The following RANBP9 variants were observed in gnomAD, a reference collection of about 807,000 sequenced individuals.
RANBP9 encodes RAN binding protein 9, also known as ran-binding protein 9.
In RANBP9, 15 loss-of-function variants were observed where a neutral mutation model predicts 84.3. That is an observed-to-expected ratio of 0.18 (90% confidence interval 0.12 to 0.27). The LOEUF is 0.27. RANBP9 is among the 10% of genes least tolerant of loss of function. The pLI is 1.00. For missense variants in RANBP9, 809 were observed against 912.8 expected (o/e 0.89, Z 1.46); for synonymous variants, 392 against 349.6 (o/e 1.12, Z -1.35).
At chr6:13,690,907 T>C (rs1766308113) in intron 2 of RANBP9, among the ~76,000 whole-genome samples, 1 of 152,152 alleles carries the variant, frequency 6.6e-6, no homozygotes, top group Non-Finnish European at 1.5e-5. Flanking sequence ...GGCTCACGTC[T>C]GTAATCCCAA....
At chr6:13,648,840 C>A (rs1188101393) in intron 5 of RANBP9, among the ~76,000 whole-genome samples, 1 of 152,102 alleles carries the variant, frequency 6.6e-6, no homozygotes, top group Non-Finnish European at 1.5e-5. Flanking sequence ...AAAGCAACAG[C>A]CTTCAATGTT....
At chr6:13,646,575 G>C (rs190439459) in intron 5 of RANBP9, among the ~76,000 whole-genome samples, 98 of 152,186 alleles carry the variant, frequency 6.4e-4, no homozygotes, top group African/African-American at 2.2e-3. Context: ...TCTAAATAAA[G>C]ACATTTTTAA....
chr6:13,680,666 G>A (rs1255915786), intron 2 of RANBP9, among the ~76,000 whole-genome samples: 3 of 152,034 alleles, frequency 2.0e-5, no homozygotes, highest in Non-Finnish European at 4.4e-5. Flanking sequence ...TGAGGCGGGA[G>A]GATCGCTTGG....
intron 10 of RANBP9, among the ~76,000 whole-genome samples, chr6:13,635,053 A>G (rs972794139): frequency 6.6e-6 from 1 of 152,198 alleles, no homozygotes; most frequent in Non-Finnish European, 1.5e-5. Flanking sequence ...GTTTTTAAAT[A>G]GCATTCTGGC....
Position 13,710,925 on chromosome 6 carries a change from C to G in RANBP9, c.571+10G>C, listed in dbSNP as rs1486251066. On this transcript the variant is annotated intron_variant, in intron 1 of 13. Transcript: ENST00000011619. ...TGCCCCACTCCCACCGCAGGACACA[C>G]GCCCAGTACCTTTGTAGTGCACCCG... 2 of 1,596,900 alleles carry G rather than the reference C, an allele frequency of 1.3e-6. No individual in the cohort carries two copies. Among genetic ancestry groups the G allele is most frequent in the Admixed American group, 1.7e-5 (1 of 58,324 alleles).
At chr6:13,649,099 T>C (rs1158312063) in intron 5 of RANBP9, among the ~76,000 whole-genome samples, 1 of 152,178 alleles carries the variant, frequency 6.6e-6, no homozygotes, top group Non-Finnish European at 1.5e-5. Flanking sequence ...ATGGTATGGG[T>C]AGCTTGTGAG....
chr6:13,711,267 G>C lies in RANBP9; in HGVS notation c.239C>G (p.Ala80Gly). 1.0e-6 allele frequency: 1 copy of C among 986,168 alleles called. No homozygotes were observed. The highest frequency in any genetic ancestry group is 1.2e-6 in the Non-Finnish European group (1 of 831,414). 61.1% of individuals were successfully genotyped at this position (986,168 alleles called of 1,614,324 possible). Residue 80 changes from alanine (A) to glycine (G), a missense_variant, in exon 1 of 14, where the codon GCG becomes GGG. Physicochemically the swap from Ala to Gly is moderately conservative, Grantham distance 60. Coordinates refer to ENST00000011619, the MANE Select transcript of RANBP9 (RefSeq NM_005493.3). ...HPPPPPPPAT[A>G]APPPPPPPPP... ...GGGCGGCGGCGGGGGCGGCGGGGCCGCGGTGGCCGGGGGCGGCGGCGGCGG... is the reference window on the plus strand; with the variant it reads ...GGGCGGCGGCGGGGGCGGCGGGGCCCCGGTGGCCGGGGGCGGCGGCGGCGG...
intron 5 of RANBP9, among the ~76,000 whole-genome samples, chr6:13,645,182 C>T (rs1447810204): frequency 6.6e-6 from 1 of 152,064 alleles, no homozygotes; most frequent in African/African-American, 2.4e-5. Flanking sequence ...GCTAGTCTGG[C>T]ATTTAATAGC....
intron 2 of RANBP9, among the ~76,000 whole-genome samples, chr6:13,691,075 A>G (rs1412797228): frequency 6.6e-6 from 1 of 151,728 alleles, no homozygotes; most frequent in East Asian, 1.9e-4. Flanking sequence ...GACTAAGACA[A>G]GAGAATTCCT....
chr6:13,683,914 G>A (rs895392334), intron 2 of RANBP9, among the ~76,000 whole-genome samples: 1 of 151,822 alleles, frequency 6.6e-6, no homozygotes, highest in African/African-American at 2.4e-5. Context: ...TATATCTTTA[G>A]GTCACTTTTC....
intron 5 of RANBP9, among the ~76,000 whole-genome samples, chr6:13,647,669 T>C (rs569218520): frequency 1.3e-5 from 2 of 152,194 alleles, no homozygotes; most frequent in South Asian, 4.1e-4. Flanking sequence ...ACTGGGATTA[T>C]GAAGAACTTC....
chr6:13,658,883 T>C (rs1765472121), intron 2 of RANBP9, 51 bp from the exon 3 acceptor site: 1 of 1,478,196 alleles, frequency 6.8e-7, no homozygotes, highest in African/African-American at 1.4e-5. Context: ...TACAGTCATA[T>C]ATGTATAAAT....
chr6:13,625,522 A>AT, intron 13 of RANBP9, 131 bp downstream of exon 13: 1 of 525,048 alleles, frequency 1.9e-6, no homozygotes, highest in Non-Finnish European at 3.3e-6. Context: ...TATTTTAGGT[A>AT]TTTTTATATT....
chr6:13,676,180 G>GA, intron 2 of RANBP9, among the ~76,000 whole-genome samples: 1 of 151,990 alleles, frequency 6.6e-6, no homozygotes, highest in Middle Eastern at 3.4e-3. Context: ...TTTGTCCTCA[G>GA]AATATATCCA....
At chr6:13,702,358 G>T (rs2113366202) in intron 1 of RANBP9, among the ~76,000 whole-genome samples, 1 of 152,262 alleles carries the variant, frequency 6.6e-6, no homozygotes, top group Admixed American at 6.5e-5. Flanking sequence ...GAGGAGAATT[G>T]CTTAAACCTG....
At position 13,677,647 on chromosome 6, in the gene RANBP9, TTC is replaced by T. The variant is rs879678837; in HGVS notation, c.684-18817_684-18816del. On this transcript the variant is annotated intron_variant, in intron 2 of 13. Coordinates refer to ENST00000011619, the MANE Select transcript of RANBP9 (RefSeq NM_005493.3). Reference sequence around the variant, plus strand: ...AGAAACTCAGGGCACTTGTCTATAATTCACAAGTTACCAATCTTAAACATTTA... The same window carrying T: ...AGAAACTCAGGGCACTTGTCTATAATACAAGTTACCAATCTTAAACATTTA... Among the ~76,000 whole-genome samples the T allele has an allele frequency of 6.8e-3, 1,038 of 152,310 alleles. 11 individuals carry two copies. The highest frequency in any genetic ancestry group is 0.022 in the African/African-American group (917 of 41,572).
intron 4 of RANBP9, among the ~76,000 whole-genome samples, chr6:13,655,477 TAAATA>T (rs1244440872): frequency 6.6e-6 from 1 of 152,046 alleles, no homozygotes; most frequent in African/African-American, 2.4e-5. Flanking sequence ...AAAAATTAAA[TAAATA>T]AAATAAACAA....
chr6:13,683,224 T>C (rs1392257606), intron 2 of RANBP9, among the ~76,000 whole-genome samples: 1 of 152,228 alleles, frequency 6.6e-6, no homozygotes, highest in Non-Finnish European at 1.5e-5. Flanking sequence ...CAACAGATCA[T>C]TTCTCCTTAT....
At chr6:13,693,773 T>G (rs1766379452) in intron 2 of RANBP9, among the ~76,000 whole-genome samples, 1 of 152,176 alleles carries the variant, frequency 6.6e-6, no homozygotes, top group African/African-American at 2.4e-5. Flanking sequence ...CCGGGTGTTG[T>G]GGCACATGCC....
Sources: gnomAD v4.1 joint callset for allele counts (sites outside exome capture counted in the v4.1 genomes callset) on GRCh38, gnomAD v4.1.1 for gene constraint, MANE v1.5 for transcripts, NCBI Gene and HGNC (gene_info 2026-07-23, HGNC 2026-07-21) for gene names.